Variants in ODAD2 observed in about 807,000 individuals in gnomAD.
ODAD2 encodes the protein outer dynein arm docking complex subunit 2.
Under a neutral mutation model 106.8 loss-of-function variants are expected in ODAD2, and 89 were observed. That is an observed-to-expected ratio of 0.83 (90% confidence interval 0.70 to 0.99). The LOEUF is 0.99. Ranked by LOEUF, ODAD2 falls within the 50% of genes least tolerant of loss-of-function variation. The pLI is 0.00. For missense variants in ODAD2, 1,168 were observed against 1,238.5 expected (o/e 0.94, Z 0.85); for synonymous variants, 404 against 436.2 (o/e 0.93, Z 0.92).
At chr10:27,993,301 A>G (rs1473490593) in intron 2 of ODAD2, among the ~76,000 whole-genome samples, 3 of 152,214 alleles carry the variant, frequency 2.0e-5, no homozygotes, top group Non-Finnish European at 4.4e-5. Context: ...AGAAATGACA[A>G]CTTCTGGAGA....
intron 2 of ODAD2, among the ~76,000 whole-genome samples, chr10:27,992,234 C>G (rs973574298): frequency 6.6e-6 from 1 of 152,156 alleles, no homozygotes; most frequent in African/African-American, 2.4e-5. Flanking sequence ...TCTACCCTTC[C>G]AACATCAAAG....
At chr10:27,927,999 T>C (rs963431117) in intron 16 of ODAD2, among the ~76,000 whole-genome samples, 3 of 152,136 alleles carry the variant, frequency 2.0e-5, no homozygotes, top group African/African-American at 7.2e-5. Context: ...AATTGACTAG[T>C]TGACATCACC....
At chr10:27,821,337 C>A (rs1222359453) in intron 19 of ODAD2, among the ~76,000 whole-genome samples, 1 of 151,990 alleles carries the variant, frequency 6.6e-6, no homozygotes, top group Non-Finnish European at 1.5e-5. Flanking sequence ...TGTTATACAC[C>A]CAGAGGGGCT....
rs187044988 is a variant in ODAD2 at position 27,890,969 on chromosome 10, A to C, written c.2610+16694T>G. Among the ~76,000 whole-genome samples, 4 of 152,270 alleles carry C rather than the reference A, an allele frequency of 2.6e-5. No homozygotes were observed. In the East Asian group the frequency reaches 7.7e-4, roughly 29 times the overall value. On this transcript the variant is annotated intron_variant, in intron 17 of 19. Transcript: ENST00000305242. ...TAGAAAAAAAAGTTGATTATTTGGC[A>C]CCATGTCATACAGCGATATATTCGA...
intron 7 of ODAD2, among the ~76,000 whole-genome samples, chr10:27,978,978 G>C (rs996719863): frequency 2.0e-5 from 3 of 151,972 alleles, no homozygotes; most frequent in Non-Finnish European, 4.4e-5. Context: ...GGGAGGCCGA[G>C]GCAAGCAGAT....
intron 17 of ODAD2, among the ~76,000 whole-genome samples, chr10:27,902,481 ACT>A (rs1164795781): frequency 6.6e-6 from 1 of 152,128 alleles, no homozygotes; most frequent in Non-Finnish European, 1.5e-5. Context: ...GACAGGAAAA[ACT>A]CTTCAAAAAA....
chr10:27,862,970 T>C (rs749998513), intron 17 of ODAD2, among the ~76,000 whole-genome samples: 22 of 152,316 alleles, frequency 1.4e-4, no homozygotes, highest in African/African-American at 2.9e-4. Context: ...TATAAAGTAA[T>C]TGCAAACACT....
chr10:27,932,221 C>G (rs1312980673), intron 16 of ODAD2, among the ~76,000 whole-genome samples: 1 of 152,142 alleles, frequency 6.6e-6, no homozygotes, highest in Non-Finnish European at 1.5e-5. Flanking sequence ...CAGATGTAAG[C>G]CACCACGTCA....
At chr10:27,946,428 G>A (rs1469478055) in intron 10 of ODAD2, among the ~76,000 whole-genome samples, 2 of 151,834 alleles carry the variant, frequency 1.3e-5, no homozygotes, top group African/African-American at 2.4e-5. Flanking sequence ...TATTTTGGGG[G>A]TACATGTGAT....
At chr10:27,841,556 C>T (rs563263028) in intron 19 of ODAD2, among the ~76,000 whole-genome samples, 25 of 150,624 alleles carry the variant, frequency 1.7e-4, no homozygotes, top group Middle Eastern at 3.5e-3. Context: ...CCACCATGCC[C>T]GGCTAATTTT....
chr10:27,871,713 A>G (rs1281741552), intron 17 of ODAD2, among the ~76,000 whole-genome samples: 1 of 152,218 alleles, frequency 6.6e-6, no homozygotes, highest in African/African-American at 2.4e-5. Context: ...CCATTGGTCT[A>G]TATCTCTGTT....
chr10:27,899,233 G>C (rs1032380207), intron 17 of ODAD2, among the ~76,000 whole-genome samples: 9 of 151,966 alleles, frequency 5.9e-5, no homozygotes, highest in Non-Finnish European at 1.3e-4. Flanking sequence ...CCCTAGCCAA[G>C]GGAAGGGGGA....
intron 2 of ODAD2, among the ~76,000 whole-genome samples, chr10:27,990,418 CT>C (rs1163128467): frequency 6.6e-6 from 1 of 152,216 alleles, no homozygotes; most frequent in Admixed American, 6.5e-5. Flanking sequence ...TCGAGTGATC[CT>C]TCCATCTCCA....
At chr10:27,966,126 A>T (rs1848471646) in intron 9 of ODAD2, among the ~76,000 whole-genome samples, 1 of 126,292 alleles carries the variant, frequency 7.9e-6, no homozygotes, top group South Asian at 2.8e-4. Flanking sequence ...TTTGGCACAG[A>T]GAGCCCCAAT....
intron 17 of ODAD2, among the ~76,000 whole-genome samples, chr10:27,872,187 G>T (rs956292299): frequency 2.9e-4 from 44 of 151,938 alleles, no homozygotes; most frequent in Admixed American, 8.5e-4. Context: ...GAATGCTTGT[G>T]ATTTCTGCAC....
chr10:27,990,904 T>A (rs1850194251), intron 2 of ODAD2, among the ~76,000 whole-genome samples: 1 of 152,142 alleles, frequency 6.6e-6, no homozygotes, highest in Non-Finnish European at 1.5e-5. Flanking sequence ...AAAAATAAAA[T>A]ATGGCAATAT....
intron 7 of ODAD2, among the ~76,000 whole-genome samples, chr10:27,971,905 C>T (rs1848889097): frequency 6.6e-6 from 1 of 152,082 alleles, no homozygotes. Flanking sequence ...GCCAGAAGAC[C>T]TGTGCTAGAA....
chr10:27,822,058 G>A (rs1836656779), intron 19 of ODAD2, among the ~76,000 whole-genome samples: 2 of 152,186 alleles, frequency 1.3e-5, no homozygotes, highest in Admixed American at 1.3e-4. Flanking sequence ...ACAGGCACAA[G>A]GACTGGTTTG....
chr10:27,859,534 G>A (rs547784836), intron 19 of ODAD2, among the ~76,000 whole-genome samples: 8 of 152,144 alleles, frequency 5.3e-5, no homozygotes, highest in African/African-American at 1.9e-4. Context: ...ATGACTAACT[G>A]GGGTTTTTAA....
Sources: allele counts gnomAD v4.1 joint callset (sites outside exome capture counted in the v4.1 genomes callset), GRCh38; gene constraint gnomAD v4.1.1; transcripts MANE v1.5; gene names NCBI Gene and HGNC (gene_info 2026-07-23, HGNC 2026-07-21).